BCL11B: variants seen among roughly 807,000 people sequenced by gnomAD.
BCL11B encodes the protein BCL11 transcription factor B.
BCL11B carries 8 observed loss-of-function variants against 49.9 expected under a neutral mutation model. The observed-to-expected ratio is 0.16, with a 90% CI of 0.09 to 0.29. The LOEUF is 0.29. Ranked by LOEUF, BCL11B falls within the 10% of genes least tolerant of loss-of-function variation. BCL11B has a pLI of 1.00. For missense variants in BCL11B, 1,006 were observed against 1,351.0 expected, an observed-to-expected ratio of 0.74 and a Z score of 4.00; for synonymous variants, 739 against 637.4, an observed-to-expected ratio of 1.16 and a Z score of -2.40.
chr14:99,207,512 C>A (rs1158803942), intron 3 of BCL11B, among the ~76,000 whole-genome samples: 7 of 152,188 alleles, frequency 4.6e-5, no homozygotes, highest in Admixed American at 3.9e-4. Context: ...CAAGAGGGCT[C>A]CAAAAGCATC....
chr14:99,233,644 G>A (rs1327505270), intron 2 of BCL11B, among the ~76,000 whole-genome samples: 1 of 152,238 alleles, frequency 6.6e-6, no homozygotes, highest in Non-Finnish European at 1.5e-5. Context: ...TGTCTCCGTG[G>A]TGGGAGGAAC....
intron 3 of BCL11B, among the ~76,000 whole-genome samples, chr14:99,189,653 G>A (rs1886964618): frequency 6.6e-6 from 1 of 152,226 alleles, no homozygotes; most frequent in African/African-American, 2.4e-5. Flanking sequence ...CAGCAGCTGT[G>A]CCCATTGGTT....
intron 1 of BCL11B, among the ~76,000 whole-genome samples, chr14:99,260,868 C>T (rs1013646887): frequency 3.9e-5 from 6 of 152,116 alleles, no homozygotes; most frequent in Non-Finnish European, 7.4e-5. Flanking sequence ...GAGACAGCCC[C>T]GGGATTATCC....
intron 3 of BCL11B, among the ~76,000 whole-genome samples, chr14:99,227,923 C>T (rs566260741): frequency 6.6e-6 from 1 of 152,252 alleles, no homozygotes; most frequent in South Asian, 2.1e-4. Flanking sequence ...AGTCCCTTCT[C>T]CCCACTGCGA....
chr14:99,244,191 TAAAG>T (rs1389397094), intron 2 of BCL11B, among the ~76,000 whole-genome samples: 1 of 151,820 alleles, frequency 6.6e-6, no homozygotes, highest in Non-Finnish European at 1.5e-5. Context: ...GCCGTCAAAA[TAAAG>T]AAAAGGAAAA....
intron 3 of BCL11B, among the ~76,000 whole-genome samples, chr14:99,176,754 C>T (rs1003094994): frequency 1.3e-5 from 2 of 152,164 alleles, no homozygotes; most frequent in South Asian, 4.1e-4. Flanking sequence ...ATGCCAGGAG[C>T]ATCCACCTCC....
intron 3 of BCL11B, among the ~76,000 whole-genome samples, chr14:99,197,753 G>C (rs557565275): frequency 2.6e-5 from 4 of 152,194 alleles, no homozygotes; most frequent in Admixed American, 2.6e-4. Context: ...CAGACGGCTG[G>C]AGCGGAGACT....
At position 99,257,555 on chromosome 14, in the gene BCL11B, T is replaced by C. The variant is rs1483358102; in HGVS notation, c.343A>G (p.Ile115Val). 6.2e-7 allele frequency: 1 copy of C among 1,613,844 alleles called. No homozygotes were observed. Among genetic ancestry groups the C allele is most frequent in the East Asian group, 2.2e-5 (1 of 44,870 alleles). Residue 115 changes from isoleucine to valine, a missense_variant, in exon 2 of 4, where the codon ATC (isoleucine) becomes GTC (valine). Around this residue, in one of 6 missense-constraint regions of BCL11B, gnomAD observed 411 missense variants for 542.2 expected, o/e 0.76. Coordinates refer to ENST00000357195, the MANE Select transcript of BCL11B (RefSeq NM_138576.4). The surrounding 1 kb of genome is among the most constrained non-coding windows in gnomAD (Gnocchi z 6.2). ...ELRKVSEPVE[I>V]GIQVTPDEDD... The stretch of plus-strand genomic sequence containing the variant: ...TCGTCGGGGGTGACTTGGATCCCGA[T>C]CTCCACCGGCTCGGACACTTTCCTG...
chr14:99,209,706 G>A (rs1179621083), intron 3 of BCL11B, among the ~76,000 whole-genome samples: 2 of 152,108 alleles, frequency 1.3e-5, no homozygotes, highest in Non-Finnish European at 2.9e-5. Context: ...GAAGCCCGAG[G>A]GTGGGTGAGA....
chr14:99,257,476 A>G lies in BCL11B; in HGVS notation c.422T>C (p.Ile141Thr), dbSNP rs762219159. ...GCAAGCGCAGCATCCCATACCTGCA[A>G]TGTTCTCCTGCTTGGGACAGATGCC... The part of the protein sequence containing the change: ...TKGICPKQEN[I>T]AGPCRPAQLP... Residue 141 changes from isoleucine to threonine, a missense_variant, in exon 2 of 4, where the codon ATT (isoleucine) becomes ACT (threonine). Transcript: ENST00000357195. The surrounding 1 kb of genome is among the most constrained non-coding windows in gnomAD (Gnocchi z 6.2). 1.3e-6 allele frequency: 2 copies of G among 1,593,708 alleles called. No homozygotes were observed. Among genetic ancestry groups the G allele is most frequent in the East Asian group, 2.3e-5 (1 of 44,436 alleles).
At chr14:99,251,603 G>A (rs769846194) in intron 2 of BCL11B, among the ~76,000 whole-genome samples, 2 of 152,180 alleles carry the variant, frequency 1.3e-5, no homozygotes, top group African/African-American at 4.8e-5. Context: ...TGGCCCAGGT[G>A]CACCTGAATT....
At position 99,271,314 on chromosome 14, in the gene BCL11B, T is replaced by TGCCGCCGCC. The variant is rs537810518; in HGVS notation, c.-105_-97dup. ...GCCGCCGCCGCGCCGCTGCCGCCGCTGCCGCCGCCGCCGCCGCCGCCGCAC... is the reference window on the plus strand; with the variant it reads ...GCCGCCGCCGCGCCGCTGCCGCCGCTGCCGCCGCCGCCGCCGCCGCCGCCGCCGCCGCAC... On this transcript the variant is annotated 5_prime_UTR_variant, in exon 1 of 4. Transcript: ENST00000357195. 3.3e-4 allele frequency: 278 copies of TGCCGCCGCC among 849,252 alleles called. 3 individuals carry two copies. The highest frequency in any genetic ancestry group is 1.5e-3 in the African/African-American group (87 of 57,162). The allele number at this position is 849,252 out of a possible 1,614,324, so 52.6% of individuals were successfully genotyped here.
intron 1 of BCL11B, among the ~76,000 whole-genome samples, chr14:99,259,286 A>C (rs1270684022): frequency 6.6e-6 from 1 of 152,216 alleles, no homozygotes; most frequent in Non-Finnish European, 1.5e-5. Context: ...GTGGCAGTGA[A>C]GTTATTGAAG....
rs1566789846 is a variant in BCL11B, at chr14:99,170,575, G to C, written c.*3576C>G. On this transcript the variant is annotated 3_prime_UTR_variant, in exon 4 of 4. Coordinates refer to ENST00000357195, the MANE Select transcript of BCL11B (RefSeq NM_138576.4). ...AAAAGAAATTAAATAAAAAATGAAA[G>C]AAAAAAAAAGGACCAATGGAGGATG... is the stretch of plus-strand genomic sequence containing the variant. 4.4e-6 allele frequency: 1 copy of C among 227,384 alleles called. No individual in the cohort carries two copies. The highest frequency in any genetic ancestry group is 8.7e-6 in the Non-Finnish European group (1 of 114,988). 14.1% of individuals were successfully genotyped at this position (227,384 alleles called of 1,614,324 possible). A position where few individuals can be genotyped will look rare whatever the true frequency, so the allele number is the denominator to read the frequency against.
chr14:99,199,627 T>C (rs1387425351), intron 3 of BCL11B, among the ~76,000 whole-genome samples: 1 of 146,788 alleles, frequency 6.8e-6, no homozygotes, highest in Non-Finnish European at 1.5e-5. Flanking sequence ...CTTAGCAGGG[T>C]TCTGGCTAAA....
At chr14:99,259,203 T>C (rs1889267074) in intron 1 of BCL11B, among the ~76,000 whole-genome samples, 1 of 152,082 alleles carries the variant, frequency 6.6e-6, no homozygotes. Context: ...TTAAGTTGTA[T>C]GGTATTTAGG....
At position 99,173,614 on chromosome 14, in the gene BCL11B, A is replaced by C. The variant is rs1163731177; in HGVS notation, c.*537T>G. ...TGCATGCCACTTTTTATTTCAGGAC[A>C]AAAAAAAGGAAGGAATGAAAAAGTA... On this transcript the variant is annotated 3_prime_UTR_variant, in exon 4 of 4. Transcript: ENST00000357195. 1.5e-5 allele frequency: 3 copies of C among 202,234 alleles called. No individual in the cohort carries two copies. The highest frequency in any genetic ancestry group is 6.9e-5 in the African/African-American group (3 of 43,300). The allele number at this position is 202,234 out of a possible 1,614,324, so 12.5% of individuals were successfully genotyped here.
At chr14:99,259,883 T>C (rs1889286244) in intron 1 of BCL11B, among the ~76,000 whole-genome samples, 1 of 152,262 alleles carries the variant, frequency 6.6e-6, no homozygotes, top group Non-Finnish European at 1.5e-5. Flanking sequence ...ACTGGATTCC[T>C]GTGAACGGTT....
chr14:99,270,470 G>A (rs2139983294), intron 1 of BCL11B, among the ~76,000 whole-genome samples: 1 of 151,668 alleles, frequency 6.6e-6, no homozygotes, highest in Admixed American at 6.5e-5. Flanking sequence ...GACAGACGGA[G>A]GTGGGGAAGT....
Sources: allele counts gnomAD v4.1 joint callset (sites outside exome capture counted in the v4.1 genomes callset), GRCh38; gene constraint gnomAD v4.1.1; regional missense constraint gnomAD v4.1.1; non-coding constraint Gnocchi (gnomAD v3.1); transcripts MANE v1.5; gene names NCBI Gene and HGNC (gene_info 2026-07-23, HGNC 2026-07-21).